Variants in COL27A1 observed in about 807,000 individuals in gnomAD.
COL27A1 encodes the protein collagen type XXVII alpha 1 chain, also known as collagen alpha-1(XXVII) chain.
A neutral mutation model predicts 251.3 loss-of-function variants in COL27A1; 106 were observed. The ratio of observed to expected loss-of-function variants is 0.42; its 90% CI spans 0.36 to 0.50. COL27A1 has a LOEUF of 0.50. Among genes scored for constraint, COL27A1 ranks in the 20% least tolerant of loss-of-function variants. The probability of loss-of-function intolerance (pLI) is 0.00; values close to 1 mark genes in which losing one functional copy is unlikely to be tolerated. For missense variants in COL27A1, 2,325 were observed against 2,522.8 expected, an observed-to-expected ratio of 0.92 and a Z score of 1.68; for synonymous variants, 1,000 against 986.3, an observed-to-expected ratio of 1.01 and a Z score of -0.26.
chr9:114,293,974 T>C (rs7049033), intron 49 of COL27A1, among the ~76,000 whole-genome samples: 11,914 of 151,922 alleles, frequency 0.078, 749 homozygotes, highest in East Asian at 0.24. Flanking sequence ...CGCGGTGGCT[T>C]ACGCCTGTAA....
chr9:114,310,241 A>T (rs547859954), intron 60 of COL27A1, among the ~76,000 whole-genome samples: 12 of 152,170 alleles, frequency 7.9e-5, no homozygotes, highest in Admixed American at 2.6e-4. Context: ...AAAATAAATT[A>T]AAAAATATAT....
chr9:114,175,916 C>T lies in COL27A1; in HGVS notation c.1909-2375C>T, dbSNP rs575815071. On this transcript the variant is annotated intron_variant, in intron 3 of 60. Transcript: ENST00000356083. ...GGAAATTACCCCCACCTTGGCTTTC[C>T]GCAACTCAGGAAATGCCAGTGCCAG... Among the ~76,000 whole-genome samples, 34 of 152,330 alleles carry T rather than the reference C, an allele frequency of 2.2e-4. No homozygotes were observed. In the East Asian group the frequency reaches 4.8e-3, roughly 22 times the overall value.
At chr9:114,209,359 A>G (rs959763806) in intron 10 of COL27A1, 1 of 640,740 alleles carries the variant, frequency 1.6e-6, no homozygotes, top group Admixed American at 1.8e-5. Context: ...CATCTAACCC[A>G]GCCGCGAGCT....
intron 16 of COL27A1, 91 bp downstream of exon 16, chr9:114,231,957 C>A: frequency 1.7e-6 from 2 of 1,168,584 alleles, no homozygotes; most frequent in South Asian, 1.3e-5. Context: ...TCGCCAGGTC[C>A]ACTCCCCTGC....
At chr9:114,256,874 C>T (rs1292076218) in intron 27 of COL27A1, among the ~76,000 whole-genome samples, 4 of 152,202 alleles carry the variant, frequency 2.6e-5, no homozygotes, top group Non-Finnish European at 4.4e-5. Context: ...ACTTGGCTCC[C>T]GAAATTTCCC....
chr9:114,265,540 G>A (rs1156766395), intron 32 of COL27A1, 65 bp downstream of exon 32: 66 of 1,514,586 alleles, frequency 4.4e-5, no homozygotes, highest in Non-Finnish European at 5.8e-5. Flanking sequence ...TGGGCCAGGT[G>A]GTCAGATAAG....
At chr9:114,164,767 CAT>C (rs934658002) in intron 2 of COL27A1, among the ~76,000 whole-genome samples, 6 of 152,182 alleles carry the variant, frequency 3.9e-5, no homozygotes, top group African/African-American at 1.4e-4. Flanking sequence ...GTGACTAAAA[CAT>C]ATACCACTAA....
At position 114,250,668 on chromosome 9, in the gene COL27A1, G is replaced by A; in HGVS notation, c.3033G>A (p.Lys1011=). Residue 1011 remains lysine (K), a splice_region_variant and synonymous_variant, in exon 25 of 61, where the codon AAG becomes AAA. Coordinates refer to ENST00000356083, the MANE Select transcript of COL27A1 (RefSeq NM_032888.4). The part of the protein sequence containing the change: ...LVGEPGIVGE[K]GDRGMMGPPG... ...GGGAGCCAGGAATCGTGGGAGAAAAGGTAAGTGGTGTTGAGGGGAAAAGAT... is the reference window on the plus strand; with the variant it reads ...GGGAGCCAGGAATCGTGGGAGAAAAAGTAAGTGGTGTTGAGGGGAAAAGAT... The A allele has an allele frequency of 6.2e-7, 1 of 1,611,322 alleles. No individual in the cohort carries two copies. Among genetic ancestry groups the A allele is most frequent in the Non-Finnish European group, 8.5e-7 (1 of 1,177,622 alleles).
intron 8 of COL27A1, 130 bp from the exon 9 acceptor site, chr9:114,205,629 T>G: frequency 1.2e-6 from 1 of 860,632 alleles, no homozygotes; most frequent in Non-Finnish European, 1.9e-6. Context: ...GGCCCTCCCC[T>G]TCCTCCTGTT....
chr9:114,210,895 C>T (rs1031560388), intron 11 of COL27A1, 87 bp from the exon 12 acceptor site: 9 of 1,365,464 alleles, frequency 6.6e-6, no homozygotes, highest in African/African-American at 2.9e-5. Context: ...GACTTCCTGC[C>T]GTGGGTGGCT....
rs952095957 is a variant in COL27A1, at chr9:114,253,028, C to A, written c.3141+96C>A. 6.2e-6 allele frequency: 6 copies of A among 960,862 alleles called. No individual in the cohort carries two copies. In the African/African-American group the frequency reaches 8.2e-5, roughly 13 times the overall value. The allele number at this position is 960,862 out of a possible 1,614,324, so 59.5% of individuals were successfully genotyped here. A position where few individuals can be genotyped will look rare whatever the true frequency, so the allele number is the denominator to read the frequency against. On this transcript the variant is annotated intron_variant, in intron 27 of 60. Transcript: ENST00000356083. ...GCTCACACCTGTAATCTCAGCACTT[C>A]GGGAGGCCGATCACTTGAGGCCAGA...
chr9:114,179,770 C>T (rs1827746976), intron 4 of COL27A1, among the ~76,000 whole-genome samples: 1 of 147,754 alleles, frequency 6.8e-6, no homozygotes, highest in Non-Finnish European at 1.5e-5. Flanking sequence ...CAGATAAAGT[C>T]AAAGAGAGTA....
chr9:114,159,435 A>G (rs1848345274), intron 1 of COL27A1, among the ~76,000 whole-genome samples: 2 of 152,120 alleles, frequency 1.3e-5, no homozygotes, highest in Admixed American at 1.3e-4. Context: ...TAATCCAATG[A>G]AGGACTCAAG....
At chr9:114,174,628 G>A (rs1182025882) in intron 3 of COL27A1, among the ~76,000 whole-genome samples, 1 of 152,140 alleles carries the variant, frequency 6.6e-6, no homozygotes, top group Non-Finnish European at 1.5e-5. Context: ...CACAGATCTG[G>A]GGAGTAAATG....
chr9:114,310,793 C>A lies in COL27A1; in HGVS notation c.*98C>A. The A allele has an allele frequency of 2.2e-6, 3 of 1,351,588 alleles. No individual in the cohort carries two copies. The highest frequency in any genetic ancestry group is 1.3e-5 in the South Asian group (1 of 76,408). 83.7% of individuals were successfully genotyped at this position (1,351,588 alleles called of 1,614,324 possible). ...GCAGATGGCTCCAGGAGAGGCAGCT[C>A]CCCTGCCCAAGGGTCCTTGGGCAGA... is the stretch of plus-strand genomic sequence containing the variant. On this transcript the variant is annotated 3_prime_UTR_variant, in exon 61 of 61. Coordinates refer to ENST00000356083, the MANE Select transcript of COL27A1 (RefSeq NM_032888.4).
At chr9:114,233,440 G>GC (rs1164721506) in intron 16 of COL27A1, among the ~76,000 whole-genome samples, 1 of 148,970 alleles carries the variant, frequency 6.7e-6, no homozygotes, top group East Asian at 1.9e-4. Context: ...ACCCACCTCT[G>GC]CCCCCCTTGC....
chr9:114,258,623 A>C (rs760083229), intron 28 of COL27A1, 29 bp downstream of exon 28: 13 of 1,610,706 alleles, frequency 8.1e-6, no homozygotes, highest in Non-Finnish European at 1.1e-5. Context: ...CTGGGGGCTG[A>C]TGCTGGTGGG....
chr9:114,160,574 A>G (rs1300136446), intron 1 of COL27A1, among the ~76,000 whole-genome samples: 2 of 151,672 alleles, frequency 1.3e-5, no homozygotes, highest in Non-Finnish European at 2.9e-5. Context: ...ATGGTGGCAC[A>G]TGCCTGTAAT....
rs139108918 is a variant in COL27A1 at position 114,201,069 on chromosome 9, C to T, written c.2125-4033C>T. 1.5e-3 allele frequency among the ~76,000 whole-genome samples: 221 copies of T among 152,328 alleles called. 1 individual carries two copies. Among genetic ancestry groups the T allele is most frequent in the African/African-American group, 4.6e-3 (190 of 41,588 alleles). On this transcript the variant is annotated intron_variant, in intron 7 of 60. Transcript: ENST00000356083. ...GTTTGTAGCAACAGTGAGGTGATGT[C>T]TGGTTTCTCCTTGCGCATTGTAAGC...
Sources: allele counts gnomAD v4.1 joint callset (sites outside exome capture counted in the v4.1 genomes callset), GRCh38; gene constraint gnomAD v4.1.1; transcripts MANE v1.5; gene names NCBI Gene and HGNC (gene_info 2026-07-23, HGNC 2026-07-21).